The following CDYL2 variants were observed in gnomAD, a reference collection of about 807,000 sequenced individuals.
CDYL2 encodes the protein chromodomain Y-like protein 2.
CDYL2 carries 23 observed loss-of-function variants against 49.4 expected under a neutral mutation model. That is an observed-to-expected ratio of 0.47 (90% CI 0.34 to 0.66). The LOEUF (loss-of-function observed/expected upper bound fraction) is 0.66, where lower values mean the gene tolerates loss of function less well. CDYL2 is among the 30% of genes least tolerant of loss of function. CDYL2 has a pLI of 0.01. For missense variants in CDYL2, 678 were observed against 656.4 expected, an observed-to-expected ratio of 1.03 and a Z score of -0.36; for synonymous variants, 360 against 268.8, an observed-to-expected ratio of 1.34 and a Z score of -3.32.
At chr16:80,698,035 GA>G (rs144244575) in intron 1 of CDYL2, among the ~76,000 whole-genome samples, 63,553 of 151,318 alleles carry the variant, frequency 0.42, 16,548 homozygotes, top group Middle Eastern at 0.61. Flanking sequence ...CACAGAAATA[GA>G]AAAAAAAATC....
At chr16:80,796,046 C>T (rs940679491) in intron 1 of CDYL2, among the ~76,000 whole-genome samples, 1 of 152,198 alleles carries the variant, frequency 6.6e-6, no homozygotes, top group African/African-American at 2.4e-5. Flanking sequence ...GAAGCAGAAT[C>T]ACTAGAATAT....
At chr16:80,613,486 C>T (rs951978550) in intron 4 of CDYL2, among the ~76,000 whole-genome samples, 3 of 152,124 alleles carry the variant, frequency 2.0e-5, no homozygotes, top group East Asian at 3.9e-4. Context: ...GCAGGGATGC[C>T]AGACTCATCA....
At chr16:80,767,380 G>A (rs943963367) in intron 1 of CDYL2, among the ~76,000 whole-genome samples, 1 of 152,132 alleles carries the variant, frequency 6.6e-6, no homozygotes, top group African/African-American at 2.4e-5. Context: ...CAGGGAAGGA[G>A]AGCTTAATTT....
intron 1 of CDYL2, among the ~76,000 whole-genome samples, chr16:80,692,270 A>G (rs1910447290): frequency 6.6e-6 from 1 of 152,206 alleles, no homozygotes; most frequent in Admixed American, 6.5e-5. Flanking sequence ...AAACTGAATT[A>G]TCTGCCTCAT....
At chr16:80,784,958 C>G (rs1180788366) in intron 1 of CDYL2, among the ~76,000 whole-genome samples, 1 of 152,054 alleles carries the variant, frequency 6.6e-6, no homozygotes, top group African/African-American at 2.4e-5. Context: ...GGTCATGAAG[C>G]AAAGGATAGC....
chr16:80,714,884 C>T (rs904883473), intron 1 of CDYL2, among the ~76,000 whole-genome samples: 2 of 152,034 alleles, frequency 1.3e-5, no homozygotes, highest in Non-Finnish European at 2.9e-5. Flanking sequence ...CCTTTAGTGG[C>T]CAGGCAGATT....
chr16:80,755,379 T>C (rs1906275980), intron 1 of CDYL2, among the ~76,000 whole-genome samples: 1 of 152,096 alleles, frequency 6.6e-6, no homozygotes, highest in Non-Finnish European at 1.5e-5. Flanking sequence ...CAGAAATCAG[T>C]GGAGAACCAG....
intron 1 of CDYL2, chr16:80,742,306 T>C (rs577289335): frequency 7.9e-5 from 12 of 152,308 alleles, no homozygotes; most frequent in Admixed American, 7.8e-4. Flanking sequence ...TTCCAGAATA[T>C]TCACTTGACA....
chr16:80,799,038 T>C (rs890221897), intron 1 of CDYL2, among the ~76,000 whole-genome samples: 2 of 151,948 alleles, frequency 1.3e-5, no homozygotes, highest in African/African-American at 4.8e-5. Flanking sequence ...TATAGATATA[T>C]AGATATTTAA....
chr16:80,796,652 A>G (rs1597138038), intron 1 of CDYL2, among the ~76,000 whole-genome samples: 2 of 152,344 alleles, frequency 1.3e-5, no homozygotes, highest in Admixed American at 1.3e-4. Flanking sequence ...ATCTTTTGTT[A>G]TCCAAGTCAT....
chr16:80,611,609 C>A (rs774597608), intron 5 of CDYL2, among the ~76,000 whole-genome samples: 1 of 152,196 alleles, frequency 6.6e-6, no homozygotes, highest in African/African-American at 2.4e-5. Flanking sequence ...AGGCTGGGTT[C>A]GGAGCACAGA....
rs187720122 is a variant in CDYL2, at chr16:80,743,695, T to G, written c.25-58566A>C. ...TGTTTGTTTGTTTGTTTTTTGGGGG[T>G]TTTTTTGCCCCTTTCATCTCAGTCC... On this transcript the variant is annotated intron_variant, in intron 1 of 6. Transcript: ENST00000570137. 4.6e-3 allele frequency among the ~76,000 whole-genome samples: 696 copies of G among 152,222 alleles called. 3 individuals carry two copies. The highest frequency in any genetic ancestry group is 7.1e-3 in the Non-Finnish European group (484 of 68,000).
chr16:80,621,477 C>A (rs1421092628), intron 3 of CDYL2, among the ~76,000 whole-genome samples: 3 of 152,250 alleles, frequency 2.0e-5, no homozygotes, highest in Non-Finnish European at 2.9e-5. Flanking sequence ...GAGTTCCAAG[C>A]CCCTGGTCCA....
chr16:80,779,742 C>T (rs1263419608), intron 1 of CDYL2, among the ~76,000 whole-genome samples: 3 of 151,822 alleles, frequency 2.0e-5, no homozygotes, highest in African/African-American at 7.3e-5. Context: ...AATTGTATGG[C>T]CAATAATTGT....
chr16:80,771,302 G>C (rs1326908435), intron 1 of CDYL2, among the ~76,000 whole-genome samples: 1 of 152,158 alleles, frequency 6.6e-6, no homozygotes, highest in Non-Finnish European at 1.5e-5. Flanking sequence ...GGCAAAAATA[G>C]CCCAGGGTCT....
chr16:80,781,167 T>C (rs111882093), intron 1 of CDYL2, among the ~76,000 whole-genome samples: 9 of 152,196 alleles, frequency 5.9e-5, no homozygotes, highest in African/African-American at 2.2e-4. Flanking sequence ...ACACATCACA[T>C]CAGAAAACCA....
At chr16:80,666,499 C>T (rs541911240) in intron 2 of CDYL2, among the ~76,000 whole-genome samples, 4 of 152,220 alleles carry the variant, frequency 2.6e-5, no homozygotes, top group East Asian at 3.9e-4. Flanking sequence ...GGGAGCCTGG[C>T]GCTTTATTAA....
chr16:80,762,484 A>G (rs1293096013), intron 1 of CDYL2, among the ~76,000 whole-genome samples: 5 of 152,202 alleles, frequency 3.3e-5, no homozygotes, highest in African/African-American at 9.6e-5. Context: ...GAAGGAACTC[A>G]CAATCGCCAA....
At chr16:80,753,220 G>A (rs569727541) in intron 1 of CDYL2, among the ~76,000 whole-genome samples, 1 of 151,308 alleles carries the variant, frequency 6.6e-6, no homozygotes, top group East Asian at 1.9e-4. Context: ...AATGTAGTAA[G>A]GAAAGAATGG....
Sources: allele counts gnomAD v4.1 joint callset (sites outside exome capture counted in the v4.1 genomes callset), GRCh38; gene constraint gnomAD v4.1.1; transcripts MANE v1.5; gene names NCBI Gene and HGNC (gene_info 2026-07-23, HGNC 2026-07-21).